UPP2: variants seen among roughly 807,000 people sequenced by gnomAD.
UPP2 encodes uridine phosphorylase 2, also known as UPase 2.
A neutral mutation model predicts 26.7 loss-of-function variants in UPP2; 23 were observed. The ratio of observed to expected loss-of-function variants is 0.86; its 90% CI spans 0.62 to 1.22. UPP2 has a LOEUF of 1.22. Among genes scored for constraint, UPP2 ranks in the 50% most tolerant of loss-of-function variants. UPP2 has a pLI of 0.00. For synonymous variants in UPP2, 127 were observed against 141.3 expected (o/e 0.90, Z 0.72); for missense variants, 387 against 396.7 (o/e 0.98, Z 0.21).
chr2:158,125,281 T>C (rs1411275954), intron 6 of UPP2, among the ~76,000 whole-genome samples: 4 of 152,218 alleles, frequency 2.6e-5, no homozygotes, highest in Admixed American at 6.5e-5. Context: ...TTTCTAAGAA[T>C]GCATTTTACA....
intron 6 of UPP2, among the ~76,000 whole-genome samples, chr2:158,128,670 C>A (rs955385976): frequency 6.6e-6 from 1 of 152,168 alleles, no homozygotes; most frequent in African/African-American, 2.4e-5. Context: ...CAGCTTTGCA[C>A]CCTGCCTGCC....
chr2:158,043,300 T>C (rs1684106034), intron 3 of UPP2, among the ~76,000 whole-genome samples: 1 of 152,138 alleles, frequency 6.6e-6, no homozygotes, highest in Non-Finnish European at 1.5e-5. Context: ...GCTCATGAAC[T>C]CCTTTGGGAT....
chr2:158,130,148 G>T (rs1683782481), intron 6 of UPP2, among the ~76,000 whole-genome samples: 1 of 152,038 alleles, frequency 6.6e-6, no homozygotes, highest in African/African-American at 2.4e-5. Context: ...TAAACACTTA[G>T]ATTGAGCTCT....
intron 1 of UPP2, among the ~76,000 whole-genome samples, chr2:158,104,798 T>C (rs1420088545): frequency 6.6e-6 from 1 of 151,886 alleles, no homozygotes; most frequent in Non-Finnish European, 1.5e-5. Context: ...GGCAGGCACC[T>C]GTAATCCTGG....
At chr2:158,105,935 C>T (rs935308872) in intron 1 of UPP2, among the ~76,000 whole-genome samples, 164 bp from the exon 2 acceptor site, 3 of 152,216 alleles carry the variant, frequency 2.0e-5, no homozygotes, top group African/African-American at 7.2e-5. Flanking sequence ...CAGTGCTATG[C>T]TTGGCACATA....
chr2:158,005,380 T>C (rs1255591681), intron 2 of UPP2, among the ~76,000 whole-genome samples: 1 of 152,196 alleles, frequency 6.6e-6, no homozygotes, highest in Non-Finnish European at 1.5e-5. Context: ...GGAGAACGAC[T>C]TGACTTCATT....
intron 1 of UPP2, among the ~76,000 whole-genome samples, chr2:158,104,557 C>A (rs6730188): frequency 0.023 from 3,486 of 151,982 alleles, 113 homozygotes; most frequent in African/African-American, 0.08. Context: ...AATGCAAACC[C>A]AAGTGAGAAT....
intron 2 of UPP2, among the ~76,000 whole-genome samples, chr2:158,107,418 A>C (rs1323713703): frequency 6.6e-6 from 1 of 152,230 alleles, no homozygotes; most frequent in Non-Finnish European, 1.5e-5. Flanking sequence ...GGAAGGTTAC[A>C]GTTACACCAT....
intron 3 of UPP2, among the ~76,000 whole-genome samples, chr2:158,083,867 T>TATATATATATATATATATA (rs1553467792): frequency 1.4e-4 from 20 of 145,874 alleles, no homozygotes; most frequent in African/African-American, 4.8e-4. Context: ...TATATGTTTT[T>TATATATATATATATATATA]TATATATATA....
intron 6 of UPP2, 98 bp downstream of exon 6, chr2:158,123,993 T>C (rs1683634490): frequency 7.2e-7 from 1 of 1,381,196 alleles, no homozygotes. Flanking sequence ...ATATATTACC[T>C]TGGGCTGAAG....
At chr2:158,132,201 G>A (rs991123573) in intron 6 of UPP2, among the ~76,000 whole-genome samples, 4 of 152,218 alleles carry the variant, frequency 2.6e-5, no homozygotes, top group Non-Finnish European at 5.9e-5. Context: ...TAGGGTCCTA[G>A]GTGATGAAAT....
intron 3 of UPP2, among the ~76,000 whole-genome samples, chr2:158,023,218 G>A (rs1474527579): frequency 2.1e-5 from 2 of 93,712 alleles, no homozygotes; most frequent in African/African-American, 6.1e-5. Context: ...AGGTCATGGG[G>A]TTGCTGTCAG....
chr2:158,088,036 A>G (rs1034631978), intron 3 of UPP2, among the ~76,000 whole-genome samples: 2 of 152,148 alleles, frequency 1.3e-5, no homozygotes, highest in Admixed American at 1.3e-4. Context: ...GATCGCTTAC[A>G]AGGCCTGGGA....
At chr2:158,120,818 G>A (rs553440930) in intron 4 of UPP2, among the ~76,000 whole-genome samples, 2 of 151,886 alleles carry the variant, frequency 1.3e-5, no homozygotes, top group Non-Finnish European at 2.9e-5. Context: ...GTGAAAAGGT[G>A]GGGGGAGGAG....
chr2:158,127,948 C>A, intron 6 of UPP2: 6 of 961,738 alleles, frequency 6.2e-6, no homozygotes, highest in Non-Finnish European at 6.2e-6. Context: ...ATGCACATAT[C>A]TGTGTCTCTC....
At chr2:158,065,838 T>C in intron 3 of UPP2, 1 of 678,248 alleles carries the variant, frequency 1.5e-6, no homozygotes, top group Non-Finnish European at 2.7e-6. Flanking sequence ...ACCTCATTGT[T>C]GTACTGCTGT....
Position 158,058,404 on chromosome 2 carries a change from CT to C in UPP2, c.147+42519del, listed in dbSNP as rs1329537956. On this transcript the variant is annotated intron_variant, in intron 3 of 9. Coordinates refer to the UPP2 transcript ENST00000605860. ...TCTCTCTCTCTCTCTCTCTCTCTCTCTCTCTCCCCCCAACCTGTGTGTGTGT... is the reference window on the plus strand; with the variant it reads ...TCTCTCTCTCTCTCTCTCTCTCTCTCCTCTCCCCCCAACCTGTGTGTGTGT... Among the ~76,000 whole-genome samples the C allele has an allele frequency of 6.2e-4, 8 of 12,810 alleles. 1 individual carries two copies. The African/African-American group carries it at 9.0e-3, about 14-fold the overall frequency. 8.4% of individuals were successfully genotyped at this position (12,810 alleles called of 152,430 possible). A position where few individuals can be genotyped will look rare whatever the true frequency, so the allele number is the denominator to read the frequency against.
chr2:158,067,216 T>C (rs1490162291), intron 3 of UPP2, among the ~76,000 whole-genome samples: 1 of 152,090 alleles, frequency 6.6e-6, no homozygotes, highest in African/African-American at 2.4e-5. Context: ...AAAATGGTGA[T>C]GTGTATTAAG....
At chr2:158,070,589 A>G (rs745694753) in intron 3 of UPP2, among the ~76,000 whole-genome samples, 18 of 152,220 alleles carry the variant, frequency 1.2e-4, no homozygotes, top group Non-Finnish European at 2.4e-4. Context: ...AATATTAATT[A>G]AGCCACTGTT....
Sources: gnomAD v4.1 joint callset for allele counts (sites outside exome capture counted in the v4.1 genomes callset) on GRCh38, gnomAD v4.1.1 for gene constraint, MANE v1.5 for transcripts, NCBI Gene and HGNC (gene_info 2026-07-23, HGNC 2026-07-21) for gene names.